TMTC2: variants seen among roughly 807,000 people sequenced by gnomAD.
TMTC2 encodes transmembrane O-mannosyltransferase targeting cadherins 2, also known as protein O-mannosyl-transferase TMTC2.
Under a neutral mutation model 82.4 loss-of-function variants are expected in TMTC2, and 43 were observed. The ratio of observed to expected loss-of-function variants is 0.52; its 90% CI spans 0.41 to 0.67. TMTC2 has a LOEUF of 0.67. TMTC2 is among the 30% of genes least tolerant of loss of function. TMTC2 has a pLI of 0.00. For missense variants in TMTC2, 919 were observed against 1,012.4 expected (o/e 0.91, Z 1.25); for synonymous variants, 408 against 381.9 (o/e 1.07, Z -0.80).
At chr12:83,026,353 C>G (rs1234084952) in intron 8 of TMTC2, among the ~76,000 whole-genome samples, 2 of 152,072 alleles carry the variant, frequency 1.3e-5, no homozygotes, top group South Asian at 2.1e-4. Flanking sequence ...GACCAAAATA[C>G]ACATATTTCT....
intron 8 of TMTC2, among the ~76,000 whole-genome samples, chr12:83,021,469 C>T (rs1880920180): frequency 6.6e-6 from 1 of 152,066 alleles, no homozygotes; most frequent in Non-Finnish European, 1.5e-5. Context: ...GTGGTGTGCA[C>T]CTGTAGTCCA....
chr12:83,120,885 T>C (rs576198966), intron 11 of TMTC2, among the ~76,000 whole-genome samples: 12 of 152,312 alleles, frequency 7.9e-5, no homozygotes, highest in African/African-American at 2.9e-4. Flanking sequence ...TTGGATTAGG[T>C]TAATTTGAAG....
chr12:83,100,842 A>G (rs1255275199), intron 11 of TMTC2, among the ~76,000 whole-genome samples: 1 of 152,208 alleles, frequency 6.6e-6, no homozygotes, highest in Non-Finnish European at 1.5e-5. Context: ...CCTGATAAAC[A>G]CTGAAATAGC....
intron 9 of TMTC2, among the ~76,000 whole-genome samples, chr12:83,050,340 T>G (rs1487983667): frequency 6.6e-6 from 1 of 152,162 alleles, no homozygotes; most frequent in East Asian, 1.9e-4. Flanking sequence ...TAATAATTTT[T>G]GAGGTACAGT....
chr12:82,700,144 G>A (rs1283048791), intron 1 of TMTC2, among the ~76,000 whole-genome samples: 2 of 152,126 alleles, frequency 1.3e-5, no homozygotes, highest in African/African-American at 4.8e-5. Flanking sequence ...AGGGGTGACT[G>A]TACGTGCTAA....
At chr12:82,771,906 G>T (rs1181711035) in intron 1 of TMTC2, among the ~76,000 whole-genome samples, 1 of 152,022 alleles carries the variant, frequency 6.6e-6, no homozygotes, top group Admixed American at 6.6e-5. Flanking sequence ...CCATTATATG[G>T]GTTCTGTCTA....
At chr12:82,995,698 T>C (rs1371745193) in intron 8 of TMTC2, among the ~76,000 whole-genome samples, 2 of 152,254 alleles carry the variant, frequency 1.3e-5, no homozygotes, top group East Asian at 3.8e-4. Flanking sequence ...TCTCTTGTTT[T>C]CTTCATCTTA....
chr12:83,087,898 G>A (rs1038948476), intron 11 of TMTC2, among the ~76,000 whole-genome samples: 1 of 152,208 alleles, frequency 6.6e-6, no homozygotes, highest in Non-Finnish European at 1.5e-5. Flanking sequence ...AGTTGCATTA[G>A]CCCCTCACAA....
chr12:82,748,995 T>C (rs977997717), intron 1 of TMTC2, among the ~76,000 whole-genome samples: 2 of 152,236 alleles, frequency 1.3e-5, no homozygotes, highest in African/African-American at 4.8e-5. Context: ...GTGCTACGCA[T>C]TGTTTGTCTC....
intron 1 of TMTC2, among the ~76,000 whole-genome samples, chr12:82,793,072 A>G (rs1366007040): frequency 6.6e-5 from 10 of 152,152 alleles, no homozygotes; most frequent in Admixed American, 6.5e-4. Context: ...ATACACACAT[A>G]TGCACGTAAC....
At chr12:82,798,366 G>A (rs1222166647) in intron 1 of TMTC2, among the ~76,000 whole-genome samples, 2 of 150,620 alleles carry the variant, frequency 1.3e-5, no homozygotes, top group African/African-American at 4.9e-5. Flanking sequence ...GCGTGGTGGC[G>A]GGCGCCTGTA....
intron 1 of TMTC2, among the ~76,000 whole-genome samples, chr12:82,740,807 C>T (rs1336726459): frequency 6.6e-6 from 1 of 152,160 alleles, no homozygotes; most frequent in Non-Finnish European, 1.5e-5. Flanking sequence ...AGAACAGTTG[C>T]CTACCTTTCT....
intron 4 of TMTC2, among the ~76,000 whole-genome samples, chr12:82,963,899 G>T (rs1796187): frequency 0.93 from 128,892 of 138,046 alleles, 60,166 homozygotes; most frequent in East Asian, 1. Flanking sequence ...AGATGACTTT[G>T]TAGCAACTAT....
At chr12:82,933,614 C>G (rs1426613453) in intron 4 of TMTC2, among the ~76,000 whole-genome samples, 1 of 152,144 alleles carries the variant, frequency 6.6e-6, no homozygotes, top group African/African-American at 2.4e-5. Context: ...TCATCAGTTA[C>G]AGTTATGTCT....
At chr12:83,006,093 G>A (rs548414197) in intron 8 of TMTC2, among the ~76,000 whole-genome samples, 1 of 152,142 alleles carries the variant, frequency 6.6e-6, no homozygotes, top group East Asian at 1.9e-4. Flanking sequence ...GTGCAGCCAG[G>A]ATCCCAGAAG....
chr12:83,049,815 C>A (rs1318056419), intron 9 of TMTC2, among the ~76,000 whole-genome samples: 1 of 152,154 alleles, frequency 6.6e-6, no homozygotes, highest in Non-Finnish European at 1.5e-5. Flanking sequence ...TGCAACCTTG[C>A]CAGCATCTGT....
intron 1 of TMTC2, among the ~76,000 whole-genome samples, chr12:82,774,938 C>T (rs1203406160): frequency 6.6e-5 from 10 of 151,988 alleles, no homozygotes; most frequent in Non-Finnish European, 1.0e-4. Context: ...TCAGCCCCAG[C>T]TGAATGTTGT....
intron 4 of TMTC2, among the ~76,000 whole-genome samples, chr12:82,957,909 T>C (rs1392955566): frequency 6.6e-6 from 1 of 151,852 alleles, no homozygotes; most frequent in East Asian, 1.9e-4. Flanking sequence ...ACCAAATAGA[T>C]CTGGACCAGA....
chr12:82,755,135 G>T (rs1876230451), intron 1 of TMTC2, among the ~76,000 whole-genome samples: 1 of 152,198 alleles, frequency 6.6e-6, no homozygotes, highest in African/African-American at 2.4e-5. Context: ...TCAGTGTTGT[G>T]GGGAAATGTG....
Sources: allele counts gnomAD v4.1 joint callset (sites outside exome capture counted in the v4.1 genomes callset), GRCh38; gene constraint gnomAD v4.1.1; transcripts MANE v1.5; gene names NCBI Gene and HGNC (gene_info 2026-07-23, HGNC 2026-07-21).